The following FSTL5 variants were observed in gnomAD, a reference collection of about 807,000 sequenced individuals.
FSTL5 encodes follistatin-related protein 5.
A neutral mutation model predicts 89.1 loss-of-function variants in FSTL5; 62 were observed. That is an observed-to-expected ratio of 0.70 (90% CI 0.57 to 0.86). FSTL5 has a LOEUF of 0.86. Ranked by LOEUF, FSTL5 falls within the 40% of genes least tolerant of loss-of-function variation. The pLI is 0.00. For missense variants in FSTL5, 1,057 were observed against 1,001.6 expected (o/e 1.06, Z -0.75); for synonymous variants, 383 against 346.2 (o/e 1.11, Z -1.18).
chr4:161,770,079 G>A (rs1221347782), intron 5 of FSTL5, among the ~76,000 whole-genome samples: 1 of 151,994 alleles, frequency 6.6e-6, no homozygotes, highest in Non-Finnish European at 1.5e-5. Context: ...GATGGAACTG[G>A]AGATCATTAT....
intron 4 of FSTL5, among the ~76,000 whole-genome samples, chr4:161,870,810 A>G (rs1280271773): frequency 6.6e-6 from 1 of 152,134 alleles, no homozygotes; most frequent in Non-Finnish European, 1.5e-5. Flanking sequence ...CTGCTAGGAA[A>G]CATCCCAGAC....
intron 3 of FSTL5, among the ~76,000 whole-genome samples, chr4:161,975,036 A>G (rs359481): frequency 0.2 from 24,803 of 125,442 alleles, 2,596 homozygotes; most frequent in African/African-American, 0.35. Flanking sequence ...AGAAATGCAA[A>G]TCAAAACCAC....
intron 3 of FSTL5, among the ~76,000 whole-genome samples, chr4:161,931,770 A>G (rs1425712974): frequency 6.6e-6 from 1 of 151,928 alleles, no homozygotes; most frequent in East Asian, 1.9e-4. Flanking sequence ...TTAATGTTGT[A>G]TGCTTTCTTT....
chr4:161,674,948 G>T (rs1281793275), intron 6 of FSTL5, among the ~76,000 whole-genome samples: 1 of 152,072 alleles, frequency 6.6e-6, no homozygotes, highest in Non-Finnish European at 1.5e-5. Flanking sequence ...CCACATAGAG[G>T]TCTTATGGAT....
intron 4 of FSTL5, among the ~76,000 whole-genome samples, chr4:161,813,481 A>T (rs562033660): frequency 1.3e-5 from 2 of 152,338 alleles, no homozygotes; most frequent in South Asian, 2.1e-4. Flanking sequence ...TGAATCAGCC[A>T]CTTAATTATG....
chr4:161,703,793 T>C (rs796811805), intron 6 of FSTL5, among the ~76,000 whole-genome samples: 34 of 152,248 alleles, frequency 2.2e-4, no homozygotes, highest in African/African-American at 7.7e-4. Context: ...TGCTATAATA[T>C]TGGGACTTAT....
At chr4:161,879,268 C>G (rs983760807) in intron 4 of FSTL5, among the ~76,000 whole-genome samples, 2 of 152,158 alleles carry the variant, frequency 1.3e-5, no homozygotes, top group East Asian at 3.9e-4. Context: ...TATAAAATTG[C>G]TTTAAACAAG....
At chr4:161,854,213 T>C (rs1428158544) in intron 4 of FSTL5, among the ~76,000 whole-genome samples, 1 of 152,164 alleles carries the variant, frequency 6.6e-6, no homozygotes, top group Admixed American at 6.5e-5. Context: ...GGTATATTTT[T>C]CACTGAGGAA....
At chr4:162,031,396 T>C (rs550849824) in intron 3 of FSTL5, among the ~76,000 whole-genome samples, 56 of 152,324 alleles carry the variant, frequency 3.7e-4, no homozygotes, top group African/African-American at 1.3e-3. Flanking sequence ...TCAATGAATA[T>C]AAAATATTTG....
At chr4:161,942,917 T>C (rs1439088173) in intron 3 of FSTL5, among the ~76,000 whole-genome samples, 2 of 152,276 alleles carry the variant, frequency 1.3e-5, no homozygotes, top group East Asian at 3.9e-4. Context: ...TGATCTTATA[T>C]GTCAAAATGC....
chr4:161,828,507 A>C (rs970163800), intron 4 of FSTL5, among the ~76,000 whole-genome samples: 1 of 152,162 alleles, frequency 6.6e-6, no homozygotes, highest in Non-Finnish European at 1.5e-5. Context: ...CAGTAGTCTG[A>C]TAAGTTCTTT....
intron 12 of FSTL5, among the ~76,000 whole-genome samples, chr4:161,487,851 T>G (rs1729733188): frequency 6.6e-6 from 1 of 152,100 alleles, no homozygotes; most frequent in African/African-American, 2.4e-5. Flanking sequence ...TGAGGATTTA[T>G]TCAGTTTGTC....
At chr4:162,132,438 C>T (rs1732339113) in intron 1 of FSTL5, among the ~76,000 whole-genome samples, 7 of 152,126 alleles carry the variant, frequency 4.6e-5, no homozygotes. Context: ...GACCACGAAC[C>T]CACCAGAAGG....
At chr4:162,033,823 G>C (rs1470913227) in intron 2 of FSTL5, among the ~76,000 whole-genome samples, 165 bp from the exon 3 acceptor site, 2 of 151,876 alleles carry the variant, frequency 1.3e-5, no homozygotes, top group African/African-American at 4.8e-5. Context: ...TTTTGAGAGA[G>C]CATTTTGCCC....
At chr4:161,597,652 A>T (rs1441380991) in intron 7 of FSTL5, among the ~76,000 whole-genome samples, 1 of 95,372 alleles carries the variant, frequency 1.0e-5, no homozygotes, top group Non-Finnish European at 2.4e-5. Context: ...AACAAAAAAT[A>T]AATAAATACA....
At chr4:161,732,857 A>C (rs1374699132) in intron 6 of FSTL5, among the ~76,000 whole-genome samples, 1 of 151,292 alleles carries the variant, frequency 6.6e-6, no homozygotes, top group African/African-American at 2.4e-5. Context: ...CTATATGTCT[A>C]TCATCATGTA....
Position 161,385,860 on chromosome 4 carries a change from T to A in FSTL5, c.2431A>T (p.Met811Leu), listed in dbSNP as rs933767663. Residue 811 changes from methionine to leucine, a missense_variant, in exon 16 of 16, where the codon ATG becomes TTG. Coordinates refer to ENST00000306100, the MANE Select transcript of FSTL5 (RefSeq NM_020116.5). ...QDSGLFGQYL[M>L]TPSKDSLFIL... ...AAGAGAGAGTCCTTGGAAGGTGTCATCAGGTATTGACCAAACAAGCCACTG... is the reference window on the plus strand; with the variant it reads ...AAGAGAGAGTCCTTGGAAGGTGTCAACAGGTATTGACCAAACAAGCCACTG... The A allele has an allele frequency of 1.2e-6, 2 of 1,613,876 alleles. No individual in the cohort carries two copies. The highest frequency in any genetic ancestry group is 2.2e-5 in the South Asian group (2 of 91,072).
chr4:162,025,649 ATAT>A (rs1737251384), intron 3 of FSTL5, among the ~76,000 whole-genome samples: 2 of 152,086 alleles, frequency 1.3e-5, no homozygotes, highest in South Asian at 4.1e-4. Context: ...TAGTAGAATG[ATAT>A]TATTACTTAT....
intron 15 of FSTL5, among the ~76,000 whole-genome samples, chr4:161,423,079 G>A (rs961491594): frequency 2.0e-5 from 3 of 152,046 alleles, no homozygotes; most frequent in Non-Finnish European, 4.4e-5. Context: ...ACTACACTAT[G>A]TCAAGTACTT....
Sources: gnomAD v4.1 joint callset for allele counts (sites outside exome capture counted in the v4.1 genomes callset) on GRCh38, gnomAD v4.1.1 for gene constraint, MANE v1.5 for transcripts, NCBI Gene and HGNC (gene_info 2026-07-23, HGNC 2026-07-21) for gene names.